CSMD1: variants seen among roughly 807,000 people sequenced by gnomAD.
The protein encoded by CSMD1 is CUB and Sushi multiple domains 1.
In CSMD1, 213 loss-of-function variants were observed where a neutral mutation model predicts 417.5. The observed-to-expected ratio is 0.51, with a 90% CI of 0.46 to 0.57. CSMD1 has a LOEUF of 0.57. Among genes scored for constraint, CSMD1 ranks in the 20% least tolerant of loss-of-function variants. The pLI is 0.00. For missense variants in CSMD1, 6,923 were observed against 4,529.7 expected, an observed-to-expected ratio of 1.53 and a Z score of -15.17; for synonymous variants, 2,862 against 1,736.8, an observed-to-expected ratio of 1.65 and a Z score of -16.11.
At chr8:3,107,860 A>G in intron 44 of CSMD1, 62 bp from the exon 45 acceptor site, 2 of 1,010,966 alleles carry the variant, frequency 2.0e-6, no homozygotes, top group Non-Finnish European at 3.0e-6. Context: ...AAACACAACT[A>G]TTACAAAACA....
intron 1 of CSMD1, among the ~76,000 whole-genome samples, chr8:4,994,110 G>C (rs1000938754): frequency 3.3e-5 from 5 of 152,174 alleles, no homozygotes; most frequent in African/African-American, 9.6e-5. Flanking sequence ...GCCCAAGAGA[G>C]GGGGAAGGAA....
intron 3 of CSMD1, among the ~76,000 whole-genome samples, chr8:4,320,385 T>A (rs1799201909): frequency 6.6e-6 from 1 of 152,130 alleles, no homozygotes; most frequent in Admixed American, 6.5e-5. Context: ...TACTTTAAGT[T>A]GTGAGGGTAC....
intron 3 of CSMD1, among the ~76,000 whole-genome samples, chr8:4,271,738 T>G (rs549460185): frequency 1.3e-5 from 2 of 152,162 alleles, no homozygotes; most frequent in East Asian, 3.9e-4. Context: ...TGTATATGAT[T>G]AATATACTTA....
chr8:4,201,894 G>GA (rs386411917), intron 3 of CSMD1, among the ~76,000 whole-genome samples: 5 of 147,916 alleles, frequency 3.4e-5, no homozygotes, highest in Non-Finnish European at 7.4e-5. Flanking sequence ...TTTTGGGGGG[G>GA]GGGGGCGCTG....
At chr8:4,129,604 G>A (rs1802974422) in intron 3 of CSMD1, among the ~76,000 whole-genome samples, 2 of 151,566 alleles carry the variant, frequency 1.3e-5, no homozygotes, top group South Asian at 4.2e-4. Context: ...TATTATTACT[G>A]ACCTACTCTG....
chr8:3,402,840 A>G (rs1812122363), intron 15 of CSMD1, among the ~76,000 whole-genome samples: 1 of 151,898 alleles, frequency 6.6e-6, no homozygotes, highest in African/African-American at 2.4e-5. Flanking sequence ...TGTTTTTTCT[A>G]ACTTTTTAAT....
intron 2 of CSMD1, among the ~76,000 whole-genome samples, chr8:4,551,150 G>T (rs1019788337): frequency 6.6e-6 from 1 of 152,082 alleles, no homozygotes; most frequent in Admixed American, 6.6e-5. Context: ...CATCTATGTG[G>T]AGATCCTGTG....
chr8:4,275,379 C>G (rs1321266693), intron 3 of CSMD1, among the ~76,000 whole-genome samples: 1 of 152,058 alleles, frequency 6.6e-6, no homozygotes, highest in Non-Finnish European at 1.5e-5. Context: ...AAGGAATCAT[C>G]TTTAATGTTT....
chr8:4,711,564 G>A (rs1370723208), intron 1 of CSMD1, among the ~76,000 whole-genome samples: 1 of 151,574 alleles, frequency 6.6e-6, no homozygotes, highest in East Asian at 1.9e-4. Flanking sequence ...AAAGGACAGA[G>A]AAATTTGAAA....
intron 6 of CSMD1, among the ~76,000 whole-genome samples, chr8:3,712,663 G>C (rs961529906): frequency 6.6e-6 from 1 of 152,148 alleles, no homozygotes; most frequent in Non-Finnish European, 1.5e-5. Context: ...GGTGAGCTTG[G>C]TTTAGCTTTG....
chr8:3,831,980 T>A (rs755468638), intron 5 of CSMD1, among the ~76,000 whole-genome samples: 1 of 152,222 alleles, frequency 6.6e-6, no homozygotes, highest in Non-Finnish European at 1.5e-5. Context: ...ACATTTGTGT[T>A]GCCACCATCC....
At chr8:3,091,450 T>C in intron 48 of CSMD1, 66 bp downstream of exon 48, 1 of 1,226,424 alleles carries the variant, frequency 8.2e-7, no homozygotes, top group South Asian at 1.6e-5. Context: ...ATTTAAATTG[T>C]TTTATTCAAT....
At chr8:3,619,995 G>C (rs572843520) in intron 7 of CSMD1, among the ~76,000 whole-genome samples, 23 of 152,230 alleles carry the variant, frequency 1.5e-4, no homozygotes, top group African/African-American at 5.5e-4. Flanking sequence ...CCAGCTACTT[G>C]GGAGGCTGAG....
chr8:4,234,043 C>CAGTG (rs1324437901), intron 3 of CSMD1, among the ~76,000 whole-genome samples: 1 of 152,054 alleles, frequency 6.6e-6, no homozygotes, highest in Non-Finnish European at 1.5e-5. Context: ...TACCATCAGC[C>CAGTG]AGTGAAACAG....
At chr8:4,613,413 T>C (rs183290045) in intron 2 of CSMD1, among the ~76,000 whole-genome samples, 3 of 152,276 alleles carry the variant, frequency 2.0e-5, no homozygotes, top group Admixed American at 6.5e-5. Context: ...GGCAAGCTCA[T>C]GCTACTCATG....
intron 3 of CSMD1, among the ~76,000 whole-genome samples, chr8:4,180,137 C>T (rs550593035): frequency 1.3e-5 from 2 of 152,176 alleles, no homozygotes; most frequent in South Asian, 4.2e-4. Context: ...CATATGTTTA[C>T]TGCGGCACTA....
At chr8:4,057,605 G>T (rs987296480) in intron 3 of CSMD1, among the ~76,000 whole-genome samples, 2 of 151,584 alleles carry the variant, frequency 1.3e-5, no homozygotes, top group Admixed American at 1.3e-4. Context: ...TGAAGTCCTT[G>T]CCCATGCCTA....
intron 5 of CSMD1, among the ~76,000 whole-genome samples, chr8:3,929,848 G>A (rs1810019647): frequency 6.7e-6 from 1 of 149,594 alleles, no homozygotes; most frequent in South Asian, 2.2e-4. Flanking sequence ...TTTTAGTAGA[G>A]ACGCGGTTTC....
intron 5 of CSMD1, among the ~76,000 whole-genome samples, chr8:3,993,763 G>A (rs78192839): frequency 0.046 from 7,046 of 152,226 alleles, 281 homozygotes; most frequent in Admixed American, 0.1. Flanking sequence ...ATTTATTATG[G>A]CTGATGTTTT....
Sources: gnomAD v4.1 joint callset for allele counts (sites outside exome capture counted in the v4.1 genomes callset) on GRCh38, gnomAD v4.1.1 for gene constraint, MANE v1.5 for transcripts, NCBI Gene and HGNC (gene_info 2026-07-23, HGNC 2026-07-21) for gene names.